Variants in ZSCAN5A observed in about 807,000 individuals in gnomAD.
ZSCAN5A encodes the protein zinc finger and SCAN domain containing 5A.
Under a neutral mutation model 23.7 loss-of-function variants are expected in ZSCAN5A, and 12 were observed. The ratio of observed to expected loss-of-function variants is 0.51; its 90% CI spans 0.32 to 0.82. The LOEUF (loss-of-function observed/expected upper bound fraction) is 0.82, where lower values mean the gene tolerates loss of function less well. Ranked by LOEUF, ZSCAN5A falls within the 40% of genes least tolerant of loss-of-function variation. The pLI, the probability that ZSCAN5A is intolerant of heterozygous loss-of-function variation, is 0.03. For synonymous variants in ZSCAN5A, 257 were observed against 239.9 expected (o/e 1.07, Z -0.66); for missense variants, 597 against 617.9 (o/e 0.97, Z 0.36).
At chr19:56,320,505 G>A (rs1478479215) in intron 2 of ZSCAN5A, 14 of 398,376 alleles carry the variant, frequency 3.5e-5, no homozygotes, top group South Asian at 3.1e-4. Flanking sequence ...CCAGGTACTC[G>A]GGAGGATGAG....
intron 2 of ZSCAN5A, among the ~76,000 whole-genome samples, chr19:56,284,780 T>C (rs2038980154): frequency 6.6e-6 from 1 of 152,090 alleles, no homozygotes; most frequent in South Asian, 2.1e-4. Context: ...CCCAAAGTGC[T>C]AGGATTACAG....
chr19:56,314,623 A>C (rs1212067077), intron 1 of ZSCAN5A, 58 bp downstream of exon 1: 2 of 138,940 alleles, frequency 1.4e-5, no homozygotes, highest in African/African-American at 2.6e-5. Context: ...AACCCACCCC[A>C]GTCCGGCCTC....
At chr19:56,323,094 C>T (rs1243528389) in intron 2 of ZSCAN5A, among the ~76,000 whole-genome samples, 1 of 151,882 alleles carries the variant, frequency 6.6e-6, no homozygotes, top group Non-Finnish European at 1.5e-5. Context: ...CGGGGTTTCA[C>T]CTTGTTAGCC....
intron 2 of ZSCAN5A, among the ~76,000 whole-genome samples, chr19:56,232,131 A>C (rs2034530376): frequency 6.6e-6 from 1 of 151,332 alleles, no homozygotes; most frequent in Non-Finnish European, 1.5e-5. Flanking sequence ...TGGGACCACT[A>C]TGTCCGGCTA....
chr19:56,286,852 G>A (rs751610528), intron 2 of ZSCAN5A, among the ~76,000 whole-genome samples: 9 of 152,246 alleles, frequency 5.9e-5, no homozygotes, highest in Non-Finnish European at 1.3e-4. Context: ...CCGGCAGAGC[G>A]AATGCTAGTG....
intron 2 of ZSCAN5A, among the ~76,000 whole-genome samples, chr19:56,356,257 G>A (rs893141799): frequency 1.3e-5 from 2 of 148,546 alleles, no homozygotes; most frequent in Non-Finnish European, 3.0e-5. Flanking sequence ...AGGAAAGTCT[G>A]AGCCCCGAAC....
intron 2 of ZSCAN5A, among the ~76,000 whole-genome samples, chr19:56,249,738 T>C (rs1240435147): frequency 6.6e-6 from 1 of 152,194 alleles, no homozygotes; most frequent in Non-Finnish European, 1.5e-5. Context: ...TATTGAGACC[T>C]CCTCAGTGTT....
rs1012832889 is a variant in ZSCAN5A at position 56,224,978 on chromosome 19, T to G, written c.69A>C (p.Pro23=). Residue 23 remains proline, a synonymous_variant, in exon 3 of 6, where the codon CCA becomes CCC. Coordinates refer to ENST00000683990, the MANE Select transcript of ZSCAN5A (RefSeq NM_001322064.3). ...ESCNRPGLEL[P]RSMASSETQL... is the part of the protein sequence containing the mutation. Reference sequence around the variant, plus strand: ...GAGTTTCTGAGGATGCCATAGACCGTGGCAGCTCCAACCCAGGTCTGTTGC... The same window carrying G: ...GAGTTTCTGAGGATGCCATAGACCGGGGCAGCTCCAACCCAGGTCTGTTGC... 3.7e-6 allele frequency: 6 copies of G among 1,614,046 alleles called. No homozygotes were observed. The highest frequency in any genetic ancestry group is 5.1e-6 in the Non-Finnish European group (6 of 1,180,028).
At chr19:56,255,097 T>G (rs975837884) in intron 2 of ZSCAN5A, among the ~76,000 whole-genome samples, 15 of 152,042 alleles carry the variant, frequency 9.9e-5, no homozygotes, top group Non-Finnish European at 1.9e-4. Context: ...ATAAGTGAGG[T>G]ACAGTAAATG....
intron 2 of ZSCAN5A, chr19:56,354,576 G>T (rs1276426455): frequency 1.3e-5 from 2 of 152,168 alleles, no homozygotes; most frequent in African/African-American, 4.8e-5. Context: ...GAAGCTTTTG[G>T]ATAGTGGAAA....
chr19:56,325,178 T>C (rs1320184803), intron 2 of ZSCAN5A, among the ~76,000 whole-genome samples: 1 of 152,282 alleles, frequency 6.6e-6, no homozygotes, highest in African/African-American at 2.4e-5. Flanking sequence ...TTGCTTATTA[T>C]ATCCATTTGC....
chr19:56,281,763 G>C, intron 2 of ZSCAN5A: 2 of 953,442 alleles, frequency 2.1e-6, no homozygotes, highest in South Asian at 9.7e-5. Context: ...AGAAGGAAGG[G>C]AATGAAAGAG....
Position 56,223,677 on chromosome 19 carries a change from C to G in ZSCAN5A, c.542G>C (p.Arg181Pro), listed in dbSNP as rs748724493. The change falls in exon 4 of 6, where the codon CGA becomes CCA. Residue 181 changes from arginine to proline, a missense_variant. By Grantham distance (103) the Arg-to-Pro change is moderately radical (BLOSUM62 -2). Transcript: ENST00000683990. ...QMRPGEGQAHRELQILPRVPA... is the reference protein window; with the variant it reads ...QMRPGEGQAHPELQILPRVPA... ...GACCCTGGGCAGGATCTGCAGCTCTCGGTGGGCCTGGCCTTCCCCTGGACG... is the reference window on the plus strand; with the variant it reads ...GACCCTGGGCAGGATCTGCAGCTCTGGGTGGGCCTGGCCTTCCCCTGGACG... 6 of 1,613,870 alleles carry G rather than the reference C, an allele frequency of 3.7e-6. No individual in the cohort carries two copies. Among genetic ancestry groups the G allele is most frequent in the Non-Finnish European group, 2.5e-6 (3 of 1,179,980 alleles).
chr19:56,291,522 G>A lies in ZSCAN5A; in HGVS notation c.-128+21761C>T, dbSNP rs562858099. 1.3e-3 allele frequency among the ~76,000 whole-genome samples: 197 copies of A among 152,268 alleles called. 1 individual carries two copies. Among genetic ancestry groups the A allele is most frequent in the African/African-American group, 4.5e-3 (186 of 41,558 alleles). ...GGGTGGGAGGAGCTAGGAAGAAGGC[G>A]TTATTAATTTCTTCCTTTTCCTCTC... On this transcript the variant is annotated intron_variant, in intron 2 of 5. Coordinates refer to ENST00000683990, the MANE Select transcript of ZSCAN5A (RefSeq NM_001322064.3).
chr19:56,262,872 G>A (rs933263555), intron 2 of ZSCAN5A, among the ~76,000 whole-genome samples: 4 of 152,126 alleles, frequency 2.6e-5, no homozygotes, highest in Admixed American at 2.0e-4. Flanking sequence ...TATTGTTGAC[G>A]GACACTTGGA....
chr19:56,222,840 T>A, intron 4 of ZSCAN5A, 99 bp from the exon 5 acceptor site: 2 of 1,541,884 alleles, frequency 1.3e-6, no homozygotes, highest in Admixed American at 1.9e-5. Context: ...ACTCTTCTAA[T>A]GACACAGGTG....
At position 56,222,149 on chromosome 19, in the gene ZSCAN5A, G is replaced by A. The variant is rs770740273; in HGVS notation, c.917C>T (p.Ser306Phe). 5 of 1,613,984 alleles carry A rather than the reference G, an allele frequency of 3.1e-6. No homozygotes were observed. Among genetic ancestry groups the A allele is most frequent in the East Asian group, 2.2e-5 (1 of 44,864 alleles). The change falls in exon 6 of 6, where the codon TCC (serine) becomes TTC (phenylalanine). Residue 306 changes from serine (S) to phenylalanine (F), a missense_variant. By Grantham distance (155) the Ser-to-Phe change is radical. Transcript: ENST00000683990. ...SPKRSKPDAS[S>F]ISQEEPQGEA... The stretch of plus-strand genomic sequence containing the variant: ...TCCTTGAGGCTCTTCTTGGGAAATG[G>A]AGGAGGCATCTGGTTTGCTTCTTTT...
intron 2 of ZSCAN5A, among the ~76,000 whole-genome samples, chr19:56,266,963 C>T (rs2037521886): frequency 6.6e-6 from 1 of 152,176 alleles, no homozygotes; most frequent in African/African-American, 2.4e-5. Context: ...CATGAGCTTA[C>T]CCTGCTCCAT....
intron 5 of ZSCAN5A, 32 bp from the exon 6 acceptor site, chr19:56,222,358 T>C (rs1158139616): frequency 6.9e-6 from 11 of 1,602,450 alleles, no homozygotes; most frequent in Admixed American, 1.7e-5. Flanking sequence ...ACACAGTTAA[T>C]AAAGCGCATT....
Sources: gnomAD v4.1 joint callset for allele counts (sites outside exome capture counted in the v4.1 genomes callset) on GRCh38, gnomAD v4.1.1 for gene constraint, MANE v1.5 for transcripts, NCBI Gene and HGNC (gene_info 2026-07-23, HGNC 2026-07-21) for gene names.